Variants in SERPINB7 observed in about 807,000 individuals in gnomAD.
SERPINB7 encodes the protein serpin family B member 7, also known as serpin B7.
SERPINB7 carries 31 observed loss-of-function variants against 37.4 expected under a neutral mutation model. The observed-to-expected ratio is 0.83, with a 90% confidence interval of 0.62 to 1.12. The LOEUF is 1.12. Among genes scored for constraint, SERPINB7 ranks in the 50% most tolerant of loss-of-function variants. SERPINB7 has a pLI of 0.00. For missense variants in SERPINB7, 521 were observed against 455.3 expected, an observed-to-expected ratio of 1.14 and a Z score of -1.31; for synonymous variants, 163 against 166.1, an observed-to-expected ratio of 0.98 and a Z score of 0.14.
chr18:63,782,583 T>C (rs1289140909), intron 2 of SERPINB7, 43 bp downstream of exon 2: 1 of 1,537,748 alleles, frequency 6.5e-7, no homozygotes, highest in East Asian at 2.3e-5. Context: ...ACAAATTGTT[T>C]TTCCCACGAG....
chr18:63,799,812 G>A (rs970755372), intron 6 of SERPINB7, among the ~76,000 whole-genome samples: 1 of 152,200 alleles, frequency 6.6e-6, no homozygotes, highest in African/African-American at 2.4e-5. Flanking sequence ...TTCAAGGACA[G>A]AGAATTATCT....
At chr18:63,794,165 T>A (rs1263462980) in intron 4 of SERPINB7, among the ~76,000 whole-genome samples, 2 of 148,186 alleles carry the variant, frequency 1.3e-5, no homozygotes, top group African/African-American at 5.0e-5. Context: ...ATTTGCTATG[T>A]TGGCCTGGCT....
chr18:63,801,721 A>G (rs112869858), intron 7 of SERPINB7, among the ~76,000 whole-genome samples: 7,060 of 152,184 alleles, frequency 0.046, 600 homozygotes, highest in African/African-American at 0.16. Flanking sequence ...TGTGGGGGCC[A>G]GAGGACCGGT....
Position 63,782,526 on chromosome 18 carries a change from T to G in SERPINB7, c.154T>G (p.Ser52Ala), listed in dbSNP as rs778460339. Residue 52 changes from serine to alanine, a missense_variant, in exon 2 of 8, where the codon TCT becomes GCT. Transcript: ENST00000398019. ...VRLGAQDDSL[S>A]QIDKLLHVNT... ...CTTGGGCGCTCAAGATGACTCCCTC[T>G]CTCAGATTGATAAGGTCAGTCTCAG... 1 of 1,612,510 alleles carries G rather than the reference T, an allele frequency of 6.2e-7. No homozygotes were observed. The highest frequency in any genetic ancestry group is 2.2e-5 in the East Asian group (1 of 44,822).
intron 1 of SERPINB7, among the ~76,000 whole-genome samples, chr18:63,757,762 G>A (rs1370544227): frequency 6.6e-6 from 1 of 152,176 alleles, no homozygotes; most frequent in South Asian, 2.1e-4. Flanking sequence ...AACACATTCT[G>A]TAACCTTCTA....
At chr18:63,794,714 A>G (rs556061659) in intron 4 of SERPINB7, among the ~76,000 whole-genome samples, 2 of 133,862 alleles carry the variant, frequency 1.5e-5, no homozygotes, top group South Asian at 5.2e-4. Flanking sequence ...AAATAAACAA[A>G]AAAACAAAAA....
At chr18:63,764,508 G>A (rs1170782015) in intron 1 of SERPINB7, among the ~76,000 whole-genome samples, 1 of 152,086 alleles carries the variant, frequency 6.6e-6, no homozygotes, top group Admixed American at 6.6e-5. Flanking sequence ...CTGTTCCCAA[G>A]CACCAAGGCT....
chr18:63,791,188 T>C (rs1445361207), intron 2 of SERPINB7, among the ~76,000 whole-genome samples: 2 of 152,086 alleles, frequency 1.3e-5, no homozygotes, highest in African/African-American at 4.8e-5. Flanking sequence ...ATACCTAATG[T>C]AGATGATGGG....
At chr18:63,776,785 T>G (rs571139491) in intron 1 of SERPINB7, among the ~76,000 whole-genome samples, 1 of 151,998 alleles carries the variant, frequency 6.6e-6, no homozygotes, top group African/African-American at 2.4e-5. Context: ...TATGATATAC[T>G]TTTCACAATG....
chr18:63,764,265 T>A (rs914285041), intron 1 of SERPINB7, among the ~76,000 whole-genome samples: 1 of 152,232 alleles, frequency 6.6e-6, no homozygotes, highest in African/African-American at 2.4e-5. Context: ...ACTAAGAAGG[T>A]GTTACCACTC....
chr18:63,804,199 C>T, intron 7 of SERPINB7, 38 bp from the exon 8 acceptor site: 2 of 1,404,140 alleles, frequency 1.4e-6, no homozygotes, highest in Admixed American at 2.3e-5. Context: ...TATCACTTGA[C>T]CATATGATTC....
intron 1 of SERPINB7, among the ~76,000 whole-genome samples, chr18:63,781,049 TAA>T (rs2049296348): frequency 6.6e-6 from 1 of 152,202 alleles, no homozygotes; most frequent in Non-Finnish European, 1.5e-5. Context: ...TAATAAAAGT[TAA>T]AAAACTTATT....
chr18:63,787,973 T>C (rs1006089366), intron 2 of SERPINB7, among the ~76,000 whole-genome samples: 1 of 152,254 alleles, frequency 6.6e-6, no homozygotes, highest in East Asian at 1.9e-4. Context: ...GTAGTGATGC[T>C]GGCATAAGCC....
chr18:63,772,190 A>G (rs2049215541), upstream of SERPINB7, among the ~76,000 whole-genome samples: 1 of 152,022 alleles, frequency 6.6e-6, no homozygotes, highest in South Asian at 2.1e-4. Context: ...AAAATGGGAG[A>G]CTTCAACTTA....
intron 2 of SERPINB7, among the ~76,000 whole-genome samples, chr18:63,784,090 G>A (rs2049341007): frequency 6.6e-6 from 1 of 152,094 alleles, no homozygotes; most frequent in African/African-American, 2.4e-5. Context: ...TCTGGGATAA[G>A]CCCTAAGAAT....
intron 1 of SERPINB7, among the ~76,000 whole-genome samples, chr18:63,776,466 T>C (rs1429029399): frequency 6.6e-6 from 1 of 151,888 alleles, no homozygotes; most frequent in Non-Finnish European, 1.5e-5. Flanking sequence ...ATTTGCCTTC[T>C]AAACCTTACT....
chr18:63,786,218 A>ATG (rs2049370827), intron 2 of SERPINB7, among the ~76,000 whole-genome samples: 1 of 130,264 alleles, frequency 7.7e-6, no homozygotes, highest in Non-Finnish European at 1.7e-5. Flanking sequence ...GTGTATATAT[A>ATG]TATATATATA....
chr18:63,798,676 A>G lies in SERPINB7; in HGVS notation c.527A>G (p.Tyr176Cys). The change falls in exon 6 of 8, where the codon TAC (tyrosine) becomes TGC (cysteine). Residue 176 changes from tyrosine to cysteine, a missense_variant. Transcript: ENST00000398019. Reference protein sequence around the residue: ...SAVMVLVNAVYFKGKWQSAFT... With the variant: ...SAVMVLVNAVCFKGKWQSAFT... Reference sequence around the variant, plus strand: ...GTAATGGTGCTGGTGAATGCTGTGTACTTCAAAGGCAAGTGGCAATCAGCC... The same window carrying G: ...GTAATGGTGCTGGTGAATGCTGTGTGCTTCAAAGGCAAGTGGCAATCAGCC... 2.5e-6 allele frequency: 4 copies of G among 1,612,952 alleles called. No individual in the cohort carries two copies. The highest frequency in any genetic ancestry group is 2.5e-6 in the Non-Finnish European group (3 of 1,179,472).
intron 2 of SERPINB7, among the ~76,000 whole-genome samples, chr18:63,786,855 G>A (rs968776410): frequency 2.0e-5 from 3 of 152,124 alleles, no homozygotes; most frequent in African/African-American, 7.2e-5. Flanking sequence ...TGATAAACAA[G>A]CCCTTTGAAG....
Sources: gnomAD v4.1 joint callset for allele counts (sites outside exome capture counted in the v4.1 genomes callset) on GRCh38, gnomAD v4.1.1 for gene constraint, MANE v1.5 for transcripts, NCBI Gene and HGNC (gene_info 2026-07-23, HGNC 2026-07-21) for gene names.